The following RIMS4 variants were observed in gnomAD, a reference collection of about 807,000 sequenced individuals.
RIMS4 encodes regulating synaptic membrane exocytosis protein 4.
Under a neutral mutation model 29.0 loss-of-function variants are expected in RIMS4, and 9 were observed. The ratio of observed to expected loss-of-function variants is 0.31; its 90% CI spans 0.19 to 0.54. The LOEUF is 0.54. RIMS4 is among the 20% of genes least tolerant of loss of function. RIMS4 has a pLI of 0.94. For missense variants in RIMS4, 193 were observed against 365.7 expected, an observed-to-expected ratio of 0.53 and a Z score of 3.85; for synonymous variants, 130 against 152.9, an observed-to-expected ratio of 0.85 and a Z score of 1.10.
intron 1 of RIMS4, among the ~76,000 whole-genome samples, chr20:44,798,398 T>A (rs898528009): frequency 2.0e-5 from 3 of 152,226 alleles, no homozygotes; most frequent in Non-Finnish European, 2.9e-5. Context: ...TTTCTCCATA[T>A]GGCCGAATGT....
chr20:44,762,282 T>A (rs923971226), intron 2 of RIMS4, among the ~76,000 whole-genome samples: 12 of 152,152 alleles, frequency 7.9e-5, no homozygotes, highest in Non-Finnish European at 1.6e-4. Flanking sequence ...CCAGTACCCC[T>A]GGGGGAGGCC....
rs959140638 is a variant in RIMS4 at position 44,782,705 on chromosome 20, G to C, written c.98-11292C>G. Among the ~76,000 whole-genome samples the C allele has an allele frequency of 3.9e-5, 6 of 152,310 alleles. No individual in the cohort carries two copies. The East Asian group carries it at 1.2e-3, about 29-fold the overall frequency. On this transcript the variant is annotated intron_variant, in intron 1 of 5. Coordinates refer to ENST00000372851, the MANE Select transcript of RIMS4 (RefSeq NM_182970.4). ...GCAGAGGAATGATGGAACCATGAGG[G>C]AATTCTTCCAGCTGCTGCACTTTTC... is the stretch of plus-strand genomic sequence containing the variant.
At chr20:44,758,314 CAGTAT>C in intron 2 of RIMS4, 130 bp from the exon 3 acceptor site, 1 of 640,086 alleles carries the variant, frequency 1.6e-6, no homozygotes, top group Non-Finnish European at 2.7e-6. Context: ...AAGGTTTACC[CAGTAT>C]CTGGCTCATG....
At chr20:44,788,359 C>T (rs1424564227) in intron 1 of RIMS4, among the ~76,000 whole-genome samples, 1 of 152,186 alleles carries the variant, frequency 6.6e-6, no homozygotes, top group Non-Finnish European at 1.5e-5. Context: ...TTCATCATTG[C>T]AGAAATGTCT....
At chr20:44,757,124 C>G in intron 4 of RIMS4, 87 bp from the exon 5 acceptor site, 3 of 1,444,920 alleles carry the variant, frequency 2.1e-6, no homozygotes, top group Non-Finnish European at 2.9e-6. Flanking sequence ...TGCCCACCCT[C>G]TGCTGGAGAT....
chr20:44,783,013 C>T (rs1197788453), intron 1 of RIMS4, among the ~76,000 whole-genome samples: 1 of 152,188 alleles, frequency 6.6e-6, no homozygotes, highest in African/African-American at 2.4e-5. Context: ...CAGTAAGATA[C>T]AGGCACTCAG....
chr20:44,795,473 A>T (rs138927391), intron 1 of RIMS4, among the ~76,000 whole-genome samples: 24 of 152,264 alleles, frequency 1.6e-4, no homozygotes, highest in African/African-American at 5.5e-4. Flanking sequence ...ATCTCCACTA[A>T]AACAAAAAAT....
At chr20:44,760,386 T>G (rs1568894295) in intron 2 of RIMS4, among the ~76,000 whole-genome samples, 1 of 152,148 alleles carries the variant, frequency 6.6e-6, no homozygotes, top group African/African-American at 2.4e-5. Context: ...TCTCTGAGGC[T>G]CTCTGTACAT....
At chr20:44,783,757 T>C (rs541318637) in intron 1 of RIMS4, among the ~76,000 whole-genome samples, 1 of 152,328 alleles carries the variant, frequency 6.6e-6, no homozygotes, top group East Asian at 1.9e-4. Context: ...CTCTACGTAT[T>C]TGAAATGTCC....
chr20:44,756,478 A>G lies in RIMS4; in HGVS notation c.592-126T>C, dbSNP rs1445796047. 4 of 726,700 alleles carry G rather than the reference A, an allele frequency of 5.5e-6. No homozygotes were observed. In the African/African-American group the frequency reaches 7.0e-5, roughly 13 times the overall value. The allele number at this position is 726,700 out of a possible 1,614,324, so 45.0% of individuals were successfully genotyped here. The stretch of plus-strand genomic sequence containing the variant: ...TGATTTCTACCTCCTTAAAACTGCA[A>G]TTCCTCAACAGGCCTTTCTTATCAC... On this transcript the variant is annotated intron_variant, in intron 5 of 5. Transcript: ENST00000372851. The surrounding 1 kb of genome is among the most constrained non-coding windows in gnomAD (Gnocchi z 5.9).
intron 1 of RIMS4, among the ~76,000 whole-genome samples, chr20:44,776,879 G>T (rs926765841): frequency 1.3e-5 from 2 of 152,172 alleles, no homozygotes. Context: ...GATCGAGAAG[G>T]TTAAGTAACT....
intron 1 of RIMS4, among the ~76,000 whole-genome samples, chr20:44,790,855 C>A (rs1008647437): frequency 6.6e-6 from 1 of 152,236 alleles, no homozygotes; most frequent in Non-Finnish European, 1.5e-5. Context: ...CAGGGCCAGG[C>A]ATAGAATAAA....
intron 1 of RIMS4, among the ~76,000 whole-genome samples, chr20:44,794,171 G>T (rs1268673526): frequency 6.6e-6 from 1 of 152,234 alleles, no homozygotes; most frequent in African/African-American, 2.4e-5. Context: ...GTTTATAAGG[G>T]GTGATTCCTT....
In RIMS4 at chr20:44,756,293, G is replaced by A. The variant is rs766785910; in HGVS notation, c.651C>T (p.Arg217=). The change falls in exon 6 of 6, where the codon CGC becomes CGT. Residue 217 remains arginine (R), a synonymous_variant. Transcript: ENST00000372851. This position sits in a 1 kb window ranked among gnomAD's most constrained non-coding sequence, Gnocchi z 5.9. ...MERKQFMGVA[R]VLLEELDLTT... is the part of the protein sequence containing the mutation. ...TCAAGTCCAGCTCCTCCAGCAGCAC[G>A]CGAGCCACACCCATGAACTGCTTCC... The A allele has an allele frequency of 5.1e-5, 82 of 1,613,668 alleles. No individual in the cohort carries two copies. The East Asian group carries it at 1.4e-3, about 27-fold the overall frequency.
intron 1 of RIMS4, among the ~76,000 whole-genome samples, chr20:44,807,018 C>T (rs990220269): frequency 5.9e-5 from 9 of 152,008 alleles, no homozygotes; most frequent in African/African-American, 1.7e-4. Flanking sequence ...GATACGAAAC[C>T]GAGGCCACGT....
chr20:44,796,606 A>G (rs1017543843), intron 1 of RIMS4, among the ~76,000 whole-genome samples: 2 of 152,216 alleles, frequency 1.3e-5, no homozygotes, highest in Admixed American at 6.5e-5. Flanking sequence ...GGAGAAAAGC[A>G]AAGTACCACA....
chr20:44,764,536 C>A (rs559254764), intron 2 of RIMS4, among the ~76,000 whole-genome samples: 13 of 152,102 alleles, frequency 8.5e-5, no homozygotes, highest in Non-Finnish European at 1.3e-4. Flanking sequence ...AAGTGGGTGT[C>A]GGAAGAGGTG....
chr20:44,790,496 CT>C (rs2066228220), intron 1 of RIMS4, among the ~76,000 whole-genome samples: 1 of 152,148 alleles, frequency 6.6e-6, no homozygotes, highest in African/African-American at 2.4e-5. Flanking sequence ...CTGGGGACCT[CT>C]CCTTGGGGTC....
chr20:44,789,731 T>C (rs2066224836), intron 1 of RIMS4, among the ~76,000 whole-genome samples: 1 of 152,148 alleles, frequency 6.6e-6, no homozygotes, highest in African/African-American at 2.4e-5. Flanking sequence ...GAGTTTTATT[T>C]ATTATAGAGA....
Sources: allele counts gnomAD v4.1 joint callset (sites outside exome capture counted in the v4.1 genomes callset), GRCh38; gene constraint gnomAD v4.1.1; non-coding constraint Gnocchi (gnomAD v3.1); transcripts MANE v1.5; gene names NCBI Gene and HGNC (gene_info 2026-07-23, HGNC 2026-07-21).